TCF7L2: variants seen among roughly 807,000 people sequenced by gnomAD.
The protein encoded by TCF7L2 is transcription factor 7-like 2.
A neutral mutation model predicts 77.9 loss-of-function variants in TCF7L2; 23 were observed. The observed-to-expected ratio is 0.30, with a 90% CI of 0.21 to 0.42. The LOEUF is 0.42. Ranked by LOEUF, TCF7L2 falls within the 10% of genes least tolerant of loss-of-function variation. The pLI is 1.00. For synonymous variants in TCF7L2, 413 were observed against 340.2 expected (o/e 1.21, Z -2.36); for missense variants, 654 against 793.1 (o/e 0.82, Z 2.11).
At chr10:113,071,466 T>A (rs539131504) in intron 5 of TCF7L2, among the ~76,000 whole-genome samples, 2 of 152,288 alleles carry the variant, frequency 1.3e-5, no homozygotes, top group East Asian at 3.9e-4. Flanking sequence ...ATTCCCTTGG[T>A]GCTAAAAGGA....
At chr10:113,114,840 AT>A (rs1339285466) in intron 5 of TCF7L2, among the ~76,000 whole-genome samples, 1 of 152,066 alleles carries the variant, frequency 6.6e-6, no homozygotes, top group Non-Finnish European at 1.5e-5. Flanking sequence ...ATTGCTAAGA[AT>A]TTTTTTCCAG....
At chr10:113,001,308 TAAA>T (rs1231665854) in intron 4 of TCF7L2, among the ~76,000 whole-genome samples, 1 of 152,178 alleles carries the variant, frequency 6.6e-6, no homozygotes, top group East Asian at 1.9e-4. Context: ...TCCAAGCCCT[TAAA>T]AATTCTTTTA....
At chr10:113,126,641 C>T (rs2065659484) in intron 5 of TCF7L2, 1 of 985,118 alleles carries the variant, frequency 1.0e-6, no homozygotes, top group African/African-American at 1.7e-5. Flanking sequence ...TTATTGTGCT[C>T]TTCCCTATCA....
At chr10:113,002,287 TC>T (rs1266790613) in intron 4 of TCF7L2, among the ~76,000 whole-genome samples, 3 of 152,182 alleles carry the variant, frequency 2.0e-5, no homozygotes, top group Non-Finnish European at 2.9e-5. Flanking sequence ...GCTGTGTTGT[TC>T]CTTGGGGCTG....
intron 4 of TCF7L2, among the ~76,000 whole-genome samples, chr10:113,005,710 G>A (rs79369780): frequency 1.3e-5 from 2 of 152,128 alleles, no homozygotes; most frequent in Non-Finnish European, 1.5e-5. Flanking sequence ...GGTTGGCTGG[G>A]GGGGAGGAGG....
intron 3 of TCF7L2, among the ~76,000 whole-genome samples, chr10:112,953,255 C>T (rs1026127770): frequency 1.1e-4 from 16 of 152,090 alleles, no homozygotes; most frequent in Admixed American, 9.2e-4. Flanking sequence ...ATTATTCCCC[C>T]CCTGCCCGGC....
At chr10:112,994,881 C>T (rs758234601) in intron 4 of TCF7L2, among the ~76,000 whole-genome samples, 2 of 152,060 alleles carry the variant, frequency 1.3e-5, no homozygotes, top group Non-Finnish European at 2.9e-5. Context: ...GAGCAGATCA[C>T]CTAAGGTCAG....
chr10:113,117,411 CTCTCTCTCTCT>C (rs2063921125), intron 5 of TCF7L2, among the ~76,000 whole-genome samples: 1 of 45,552 alleles, frequency 2.2e-5, no homozygotes, highest in East Asian at 3.4e-4. Flanking sequence ...CTCTCTCTCT[CTCTCTCTCTCT>C]CTCTCTCTCT....
At chr10:113,027,898 GA>G (rs2049485561) in intron 4 of TCF7L2, among the ~76,000 whole-genome samples, 1 of 152,178 alleles carries the variant, frequency 6.6e-6, no homozygotes, top group African/African-American at 2.4e-5. Flanking sequence ...CGTGAAGAAG[GA>G]ATTTGGGGTG....
In TCF7L2 at chr10:113,165,615, T is replaced by G; in HGVS notation, c.1452T>G (p.Ser484=). ...AAGGCAGCTGCCTCAGCCCACCCTC[T>G]TCAGATGGAAGCTTACTAGATTCGC... Residue 484 remains serine, a synonymous_variant, in exon 14 of 14, where the codon TCT becomes TCG. Coordinates refer to ENST00000627217, the MANE Select transcript of TCF7L2 (RefSeq NM_001146274.2). The G allele has an allele frequency of 6.2e-7, 1 of 1,613,886 alleles. No homozygotes were observed. Among genetic ancestry groups the G allele is most frequent in the South Asian group, 1.1e-5 (1 of 91,062 alleles).
At chr10:113,073,009 A>G (rs1368338249) in intron 5 of TCF7L2, among the ~76,000 whole-genome samples, 4 of 151,952 alleles carry the variant, frequency 2.6e-5, no homozygotes, top group Non-Finnish European at 5.9e-5. Context: ...CCTGAGCTAG[A>G]GCAACTATGC....
chr10:113,059,123 G>A (rs375416842), intron 5 of TCF7L2, among the ~76,000 whole-genome samples: 1 of 152,170 alleles, frequency 6.6e-6, no homozygotes, highest in East Asian at 1.9e-4. Context: ...CAGTGGCATC[G>A]GTTGGGAGGA....
intron 4 of TCF7L2, among the ~76,000 whole-genome samples, chr10:112,981,493 G>T (rs2040464391): frequency 6.6e-6 from 1 of 152,072 alleles, no homozygotes; most frequent in African/African-American, 2.4e-5. Flanking sequence ...GATTGGGTTG[G>T]TACCTCCGCC....
intron 3 of TCF7L2, among the ~76,000 whole-genome samples, chr10:112,955,652 C>T (rs2033358987): frequency 6.6e-6 from 1 of 152,096 alleles, no homozygotes; most frequent in Non-Finnish European, 1.5e-5. Flanking sequence ...CTCGTTCTTG[C>T]TAGGAGTTCT....
chr10:113,019,827 C>T (rs1213208813), intron 4 of TCF7L2, among the ~76,000 whole-genome samples: 1 of 151,674 alleles, frequency 6.6e-6, no homozygotes. Context: ...GGACTTCAGC[C>T]AGTCTTGACA....
chr10:113,091,542 C>A (rs1196718610), intron 5 of TCF7L2, among the ~76,000 whole-genome samples: 3 of 152,080 alleles, frequency 2.0e-5, no homozygotes, highest in African/African-American at 7.2e-5. Flanking sequence ...ACCAGTGAAA[C>A]CCCGTCTCTA....
At chr10:113,015,673 G>T (rs1409596416) in intron 4 of TCF7L2, among the ~76,000 whole-genome samples, 2 of 152,032 alleles carry the variant, frequency 1.3e-5, no homozygotes. Flanking sequence ...TAGAGATGGG[G>T]GTCTCACTAT....
At chr10:113,161,426 T>C in intron 13 of TCF7L2, 1 of 760,760 alleles carries the variant, frequency 1.3e-6, no homozygotes, top group South Asian at 1.7e-5. Context: ...GCACCCATGT[T>C]CCACCTGCAG....
intron 11 of TCF7L2, among the ~76,000 whole-genome samples, chr10:113,156,631 G>A (rs978044002): frequency 6.6e-6 from 1 of 152,228 alleles, no homozygotes; most frequent in Admixed American, 6.5e-5. Flanking sequence ...CGCCTCTCCT[G>A]AATTCCCCCC....
Sources: gnomAD v4.1 joint callset for allele counts (sites outside exome capture counted in the v4.1 genomes callset) on GRCh38, gnomAD v4.1.1 for gene constraint, MANE v1.5 for transcripts, NCBI Gene and HGNC (gene_info 2026-07-23, HGNC 2026-07-21) for gene names.